NF2: variants seen among roughly 807,000 people sequenced by gnomAD.
The protein encoded by NF2 is NF2, moesin-ezrin-radixin like (MERLIN) tumor suppressor.
Under a neutral mutation model 83.7 loss-of-function variants are expected in NF2, and 8 were observed. The observed-to-expected ratio is 0.10, with a 90% CI of 0.06 to 0.17. The LOEUF (loss-of-function observed/expected upper bound fraction) is 0.17. Among genes scored for constraint, NF2 ranks in the 10% least tolerant of loss-of-function variants. The pLI, the probability that NF2 is intolerant of heterozygous loss-of-function variation, is 1.00. For synonymous variants in NF2, 266 were observed against 269.6 expected (o/e 0.99, Z 0.13); for missense variants, 533 against 744.4 (o/e 0.72, Z 3.31).
intron 1 of NF2, among the ~76,000 whole-genome samples, chr22:29,623,064 C>T (rs763540350): frequency 6.6e-6 from 1 of 150,712 alleles, no homozygotes; most frequent in Non-Finnish European, 1.5e-5. Context: ...GATTCTCCTG[C>T]CTAAGCCTCC....
chr22:29,659,663 C>A (rs1230962418), intron 7 of NF2, among the ~76,000 whole-genome samples: 1 of 152,116 alleles, frequency 6.6e-6, no homozygotes, highest in East Asian at 1.9e-4. Context: ...TGAGTCCTCA[C>A]CTCTCTCTCT....
intron 7 of NF2, among the ~76,000 whole-genome samples, chr22:29,658,612 ACCCCACCCCCAT>A (rs1569296159): frequency 7.8e-6 from 1 of 128,180 alleles, no homozygotes; most frequent in Non-Finnish European, 1.7e-5. Context: ...CCCAACACAC[ACCCCACCCCCAT>A]CCCCACCCCC....
At chr22:29,605,399 G>A (rs1326921687) in intron 1 of NF2, among the ~76,000 whole-genome samples, 4 of 152,154 alleles carry the variant, frequency 2.6e-5, no homozygotes, top group East Asian at 1.9e-4. Flanking sequence ...TCCTGACCTC[G>A]TGACCAGCCG....
chr22:29,605,333 T>G (rs960048606), intron 1 of NF2, among the ~76,000 whole-genome samples: 21 of 151,974 alleles, frequency 1.4e-4, no homozygotes, highest in African/African-American at 5.1e-4. Flanking sequence ...TCTGGCTAAT[T>G]TTTCTATTTT....
intron 4 of NF2, among the ~76,000 whole-genome samples, chr22:29,650,334 G>A (rs565271309): frequency 6.6e-6 from 1 of 152,058 alleles, no homozygotes; most frequent in African/African-American, 2.4e-5. Flanking sequence ...ACATTCTTGC[G>A]AACAGTAGAT....
At chr22:29,640,194 TAAAAAAAAAAAAA>T (rs11379333) in intron 3 of NF2, among the ~76,000 whole-genome samples, 4 of 92,796 alleles carry the variant, frequency 4.3e-5, no homozygotes, top group East Asian at 3.6e-4. Flanking sequence ...GACTCTGTCT[TAAAAAAAAAAAAA>T]AAAAAAAAAA....
intron 5 of NF2, 71 bp downstream of exon 5, chr22:29,654,796 C>A (rs2146968278): frequency 8.5e-7 from 1 of 1,178,584 alleles, no homozygotes; most frequent in Non-Finnish European, 1.3e-6. Flanking sequence ...AACCAAAGGA[C>A]TTGAAGGAAT....
chr22:29,690,238 G>A (rs369942892), intron 15 of NF2, among the ~76,000 whole-genome samples: 1 of 152,234 alleles, frequency 6.6e-6, no homozygotes, highest in African/African-American at 2.4e-5. Context: ...AGAGAGTGCC[G>A]GCTGGGTACC....
At position 29,678,212 on chromosome 22, in the gene NF2, C is replaced by A; in HGVS notation, c.1463C>A (p.Pro488Gln). 3 of 1,614,132 alleles carry A rather than the reference C, an allele frequency of 1.9e-6. No homozygotes were observed. The highest frequency in any genetic ancestry group is 2.5e-6 in the Non-Finnish European group (3 of 1,179,984). ...CATTAACAGCCCATGAACCCAATTC[C>A]AGCACCGTTGCCTCCTGACATACCA... ...KPTYPPMNPI[P>Q]APLPPDIPSF... Residue 488 changes from proline (P) to glutamine (Q), a missense_variant, in exon 14 of 16, where the codon CCA becomes CAA. Coordinates refer to ENST00000338641, the MANE Select transcript of NF2 (RefSeq NM_000268.4).
intron 15 of NF2, chr22:29,683,038 A>G (rs1219173982): frequency 6.2e-7 from 1 of 1,614,108 alleles, no homozygotes; most frequent in Non-Finnish European, 8.5e-7. Context: ...CCAAGGCAGA[A>G]GACCTATCTG....
intron 4 of NF2, among the ~76,000 whole-genome samples, chr22:29,643,444 G>A (rs1025297920): frequency 1.3e-5 from 2 of 152,140 alleles, no homozygotes; most frequent in African/African-American, 2.4e-5. Flanking sequence ...GCGGACTTCC[G>A]CAGCGTTTGT....
rs370172579 is a variant in NF2, at chr22:29,694,076, CCTT to C, written c.1738-672_1738-670del. On this transcript the variant is annotated intron_variant, in intron 15 of 15. Transcript: ENST00000338641. This position sits in a 1 kb window ranked among gnomAD's most constrained non-coding sequence, Gnocchi z 4.1. ...TCCCCTTCCACATCTCCCTGACTGT[CCTT>C]CTTTACATTTGCTGGGCAGAGTGCC... 1.5e-3 allele frequency among the ~76,000 whole-genome samples: 234 copies of C among 152,340 alleles called. No homozygotes were observed. The highest frequency in any genetic ancestry group is 5.3e-3 in the African/African-American group (219 of 41,578).
Position 29,671,791 on chromosome 22 carries a change from G to A in NF2, c.1000-35G>A, listed in dbSNP as rs138012655. ...TGTGGCACCCTAGGTCTCGAGCCCT[G>A]TGATTCAATGACTGTTTTTCTTCAC... On this transcript the variant is annotated intron_variant, in intron 10 of 15. Transcript: ENST00000338641. 4.4e-4 allele frequency: 712 copies of A among 1,613,256 alleles called. 3 individuals are homozygous for A. The African/African-American group carries it at 8.9e-3, about 20-fold the overall frequency.
chr22:29,628,227 G>A (rs937023618), intron 1 of NF2, among the ~76,000 whole-genome samples: 3 of 151,116 alleles, frequency 2.0e-5, no homozygotes, highest in Admixed American at 2.0e-4. Flanking sequence ...CAGAACTGGA[G>A]GAAAGACAGA....
chr22:29,676,265 A>G (rs755150367), intron 13 of NF2, among the ~76,000 whole-genome samples: 1 of 151,854 alleles, frequency 6.6e-6, no homozygotes, highest in Non-Finnish European at 1.5e-5. Flanking sequence ...CCTTAGCCTC[A>G]TAGGCTCAAG....
intron 1 of NF2, among the ~76,000 whole-genome samples, chr22:29,607,343 A>C (rs546132436): frequency 1.6e-4 from 24 of 151,862 alleles, no homozygotes; most frequent in African/African-American, 5.8e-4. Flanking sequence ...GTGGAGCTTC[A>C]TAGCTGGGTG....
chr22:29,665,730 C>T (rs1267395073), intron 9 of NF2, among the ~76,000 whole-genome samples: 3 of 144,830 alleles, frequency 2.1e-5, no homozygotes, highest in Admixed American at 7.1e-5. Context: ...TTTGGGTGGC[C>T]GAGACGGGTG....
intron 1 of NF2, among the ~76,000 whole-genome samples, chr22:29,618,140 C>G (rs1161384500): frequency 6.6e-6 from 1 of 152,118 alleles, no homozygotes; most frequent in Non-Finnish European, 1.5e-5. Context: ...AGTGGAAAAA[C>G]CTGTTTGTAA....
intron 4 of NF2, among the ~76,000 whole-genome samples, chr22:29,642,648 T>A (rs2065843918): frequency 6.6e-6 from 1 of 152,000 alleles, no homozygotes; most frequent in Non-Finnish European, 1.5e-5. Context: ...TTTTTTTTTT[T>A]AAACCATAAA....
Sources: gnomAD v4.1 joint callset for allele counts (sites outside exome capture counted in the v4.1 genomes callset) on GRCh38, gnomAD v4.1.1 for gene constraint, Gnocchi (gnomAD v3.1) non-coding constraint, MANE v1.5 for transcripts, NCBI Gene and HGNC (gene_info 2026-07-23, HGNC 2026-07-21) for gene names.